Variants in PTPRG observed in about 807,000 individuals in gnomAD.
The protein encoded by PTPRG is protein tyrosine phosphatase receptor type G, also known as receptor-type tyrosine-protein phosphatase gamma.
In PTPRG, 102 loss-of-function variants were observed where a neutral mutation model predicts 165.3. That is an observed-to-expected ratio of 0.62 (90% CI 0.53 to 0.73). The LOEUF is 0.73. Ranked by LOEUF, PTPRG falls within the 30% of genes least tolerant of loss-of-function variation. PTPRG has a pLI of 0.00. For synonymous variants in PTPRG, 675 were observed against 669.5 expected (o/e 1.01, Z -0.13); for missense variants, 1,866 against 1,861.4 (o/e 1.00, Z -0.05).
At chr3:61,761,437 G>T (rs950953125) in intron 2 of PTPRG, among the ~76,000 whole-genome samples, 1 of 152,130 alleles carries the variant, frequency 6.6e-6, no homozygotes, top group Non-Finnish European at 1.5e-5. Flanking sequence ...AAATTAGCCA[G>T]GCGTGGTGGT....
At chr3:62,196,125 G>A (rs1699956161) in intron 10 of PTPRG, among the ~76,000 whole-genome samples, 1 of 151,942 alleles carries the variant, frequency 6.6e-6, no homozygotes, top group African/African-American at 2.4e-5. Context: ...GGCTGAGTGC[G>A]GTGGCTCACA....
intron 16 of PTPRG, among the ~76,000 whole-genome samples, chr3:62,260,117 G>A (rs974722233): frequency 2.6e-5 from 4 of 152,176 alleles, no homozygotes; most frequent in Admixed American, 2.0e-4. Flanking sequence ...GTCCGACACT[G>A]TACATGCACT....
At chr3:61,747,382 A>G (rs747038024) in intron 1 of PTPRG, among the ~76,000 whole-genome samples, 1 of 152,188 alleles carries the variant, frequency 6.6e-6, no homozygotes, top group African/African-American at 2.4e-5. Flanking sequence ...AATGGTTTGG[A>G]TGGAAGGCAC....
chr3:61,872,542 A>G (rs887284169), intron 2 of PTPRG, among the ~76,000 whole-genome samples: 1 of 152,190 alleles, frequency 6.6e-6, no homozygotes, highest in Non-Finnish European at 1.5e-5. Context: ...TGCCGATGCA[A>G]TAAGATGAGA....
rs578115448 is a variant in PTPRG, at chr3:62,061,391, A to T, written c.520-16772A>T. Among the ~76,000 whole-genome samples, 133 of 117,582 alleles carry T rather than the reference A, an allele frequency of 1.1e-3. 1 individual carries two copies. The highest frequency in any genetic ancestry group is 2.0e-3 in the Non-Finnish European group (102 of 51,926). The allele number at this position is 117,582 out of a possible 152,430, so 77.1% of individuals were successfully genotyped here. The stretch of plus-strand genomic sequence containing the variant: ...TAGGTCATGAATGGAGCCACTCTGT[A>T]ACCTGATTATTGGTTGACACCATCT... On this transcript the variant is annotated intron_variant, in intron 4 of 29. Coordinates refer to ENST00000474889, the MANE Select transcript of PTPRG (RefSeq NM_002841.4).
intron 2 of PTPRG, among the ~76,000 whole-genome samples, chr3:61,980,578 A>T (rs755808211): frequency 6.6e-6 from 1 of 152,126 alleles, no homozygotes; most frequent in Non-Finnish European, 1.5e-5. Flanking sequence ...ATAATTTGAC[A>T]TTTTCGTCTT....
intron 4 of PTPRG, among the ~76,000 whole-genome samples, chr3:62,054,823 A>G (rs1056480193): frequency 2.6e-5 from 4 of 152,236 alleles, no homozygotes; most frequent in Non-Finnish European, 5.9e-5. Flanking sequence ...TTTGCATTAT[A>G]CAGTGCTTAC....
At chr3:62,119,676 A>G (rs1702990384) in intron 5 of PTPRG, among the ~76,000 whole-genome samples, 1 of 151,702 alleles carries the variant, frequency 6.6e-6, no homozygotes, top group Admixed American at 6.6e-5. Context: ...GCTGCAGTGC[A>G]GTGGCACAGT....
In PTPRG at chr3:62,056,895, A is replaced by G. The variant is rs150572114; in HGVS notation, c.520-21268A>G. 2.7e-3 allele frequency among the ~76,000 whole-genome samples: 405 copies of G among 152,312 alleles called. 2 individuals carry two copies. Among genetic ancestry groups the G allele is most frequent in the African/African-American group, 9.5e-3 (393 of 41,568 alleles). ...TCTGTTGAACTTCCCTTGAGGCTCTATGTCATTCATGGACACGAGAAGGAG... is the reference window on the plus strand; with the variant it reads ...TCTGTTGAACTTCCCTTGAGGCTCTGTGTCATTCATGGACACGAGAAGGAG... On this transcript the variant is annotated intron_variant, in intron 4 of 29. Transcript: ENST00000474889.
chr3:61,620,648 A>G (rs1701423581), intron 1 of PTPRG, among the ~76,000 whole-genome samples: 1 of 151,760 alleles, frequency 6.6e-6, no homozygotes, highest in South Asian at 2.1e-4. Context: ...CTTTTTTGAA[A>G]TGGAGTTAAC....
intron 2 of PTPRG, among the ~76,000 whole-genome samples, chr3:61,939,555 G>A (rs944927847): frequency 6.6e-6 from 1 of 152,190 alleles, no homozygotes; most frequent in African/African-American, 2.4e-5. Context: ...GTAAGGTGCT[G>A]CATTTTGGGA....
chr3:61,891,537 A>C (rs2038214421), intron 2 of PTPRG, among the ~76,000 whole-genome samples: 1 of 152,180 alleles, frequency 6.6e-6, no homozygotes, highest in African/African-American at 2.4e-5. Flanking sequence ...TTTTTGGTGA[A>C]TCAACCTGAG....
chr3:61,895,223 CTTAG>C (rs2038321800), intron 2 of PTPRG, among the ~76,000 whole-genome samples: 2 of 152,164 alleles, frequency 1.3e-5, no homozygotes, highest in South Asian at 4.1e-4. Flanking sequence ...ATTACTCTGA[CTTAG>C]TTGGTCTGGC....
intron 5 of PTPRG, among the ~76,000 whole-genome samples, chr3:62,107,504 T>C (rs1702513855): frequency 1.3e-5 from 2 of 152,258 alleles, no homozygotes; most frequent in South Asian, 4.1e-4. Context: ...GAAGACATGT[T>C]TATTTCTGCT....
intron 2 of PTPRG, among the ~76,000 whole-genome samples, chr3:61,855,849 A>G (rs560651068): frequency 6.6e-6 from 1 of 152,202 alleles, no homozygotes; most frequent in South Asian, 2.1e-4. Context: ...GGAGGTTGGC[A>G]TTAAACCAAG....
chr3:62,249,848 C>A (rs927109403), intron 15 of PTPRG, among the ~76,000 whole-genome samples: 7 of 152,134 alleles, frequency 4.6e-5, no homozygotes, highest in Non-Finnish European at 8.8e-5. Flanking sequence ...AATGTAAGCT[C>A]TAGGGAGGTA....
intron 5 of PTPRG, among the ~76,000 whole-genome samples, chr3:62,105,238 GA>G (rs1314891405): frequency 6.6e-6 from 1 of 152,170 alleles, no homozygotes; most frequent in Non-Finnish European, 1.5e-5. Flanking sequence ...TTGTCAGTGG[GA>G]AAATTGGTTG....
At chr3:62,114,004 G>C (rs60892457) in intron 5 of PTPRG, among the ~76,000 whole-genome samples, 2,438 of 152,242 alleles carry the variant, frequency 0.016, 54 homozygotes, top group African/African-American at 0.056. Context: ...AAAAGTCTTA[G>C]AAGTGGCTTT....
chr3:61,780,574 C>T (rs1322582108), intron 2 of PTPRG, among the ~76,000 whole-genome samples: 1 of 152,126 alleles, frequency 6.6e-6, no homozygotes, highest in Admixed American at 6.5e-5. Flanking sequence ...TGCACACATT[C>T]TGAATTGAAA....
Sources: allele counts gnomAD v4.1 joint callset (sites outside exome capture counted in the v4.1 genomes callset), GRCh38; gene constraint gnomAD v4.1.1; transcripts MANE v1.5; gene names NCBI Gene and HGNC (gene_info 2026-07-23, HGNC 2026-07-21).